DCK: variants seen among roughly 807,000 people sequenced by gnomAD.
DCK encodes the protein deoxyadenosine kinase.
A neutral mutation model predicts 38.3 loss-of-function variants in DCK; 23 were observed. The observed-to-expected ratio is 0.60, with a 90% CI of 0.43 to 0.85. DCK has a LOEUF of 0.85. Ranked by LOEUF, DCK falls within the 40% of genes least tolerant of loss-of-function variation. The pLI, the probability that DCK is intolerant of heterozygous loss-of-function variation, is 0.00. For synonymous variants in DCK, 108 were observed against 100.6 expected, an observed-to-expected ratio of 1.07 and a Z score of -0.44; for missense variants, 259 against 304.4, an observed-to-expected ratio of 0.85 and a Z score of 1.11.
At chr4:71,017,167 A>G (rs971125561) in intron 2 of DCK, among the ~76,000 whole-genome samples, 10 of 152,270 alleles carry the variant, frequency 6.6e-5, no homozygotes, top group Non-Finnish European at 1.0e-4. Flanking sequence ...CAGCCAACAG[A>G]CACATGAAAA....
chr4:71,028,101 C>T (rs767865906), intron 6 of DCK, among the ~76,000 whole-genome samples: 5 of 152,176 alleles, frequency 3.3e-5, no homozygotes, highest in Admixed American at 6.5e-5. Context: ...ATTTTCTGCA[C>T]ACACTGACAT....
In DCK at chr4:71,012,562, A is replaced by C. The variant is rs534289277; in HGVS notation, c.208-9805A>C. ...TCATACGGCTGGGTACCCCTCTGAG[A>C]CGAAGCTTCCAGAGGAACGATCAGG... On this transcript the variant is annotated intron_variant, in intron 2 of 6. Transcript: ENST00000286648. 3.3e-5 allele frequency among the ~76,000 whole-genome samples: 5 copies of C among 152,310 alleles called. No individual in the cohort carries two copies. In the East Asian group the frequency reaches 9.6e-4, roughly 29 times the overall value.
Position 71,022,399 on chromosome 4 carries a change from T to A in DCK, c.240T>A (p.Asn80Lys). ...CAATGTCTCAGAAAAATGGTGGGAATGTTCTTCAGATGATGTATGAGAAAC... is the reference window on the plus strand; with the variant it reads ...CAATGTCTCAGAAAAATGGTGGGAAAGTTCTTCAGATGATGTATGAGAAAC... The part of the protein sequence containing the change: ...ELTMSQKNGG[N>K]VLQMMYEKPE... The change falls in exon 3 of 7, where the codon AAT (asparagine) becomes AAA (lysine). Residue 80 changes from asparagine to lysine, a missense_variant. This residue lies in a region of DCK where 159 missense variants were observed against 159.0 expected (regional missense o/e 1.00). Coordinates refer to ENST00000286648, the MANE Select transcript of DCK (RefSeq NM_000788.3). 1 of 1,541,248 alleles carries A rather than the reference T, an allele frequency of 6.5e-7. No individual in the cohort carries two copies. Among genetic ancestry groups the A allele is most frequent in the Non-Finnish European group, 8.7e-7 (1 of 1,146,702 alleles).
At chr4:71,021,297 G>A (rs544865862) in intron 2 of DCK, among the ~76,000 whole-genome samples, 282 of 151,300 alleles carry the variant, frequency 1.9e-3, no homozygotes, top group African/African-American at 4.7e-3. Context: ...GGATGGTCTC[G>A]ATCTCCTGAC....
intron 3 of DCK, 37 bp downstream of exon 3, chr4:71,022,597 T>C: frequency 7.8e-7 from 1 of 1,285,656 alleles, no homozygotes; most frequent in Non-Finnish European, 1.0e-6. Context: ...CATTTGAAGT[T>C]TTTATCTTAG....
At chr4:70,999,215 C>G (rs1172802322) in intron 2 of DCK, among the ~76,000 whole-genome samples, 1 of 152,132 alleles carries the variant, frequency 6.6e-6, no homozygotes, top group Non-Finnish European at 1.5e-5. Flanking sequence ...GTTCCCCTCC[C>G]TGTGCCCATG....
intron 2 of DCK, chr4:71,006,336 A>G (rs1021382396): frequency 1.4e-4 from 128 of 937,844 alleles, no homozygotes; most frequent in Middle Eastern, 5.5e-4. Flanking sequence ...GACAGAGTTC[A>G]GTGTCATTTT....
rs576117065 is a variant in DCK, at chr4:71,003,213, T to C, written c.207+5031T>C. On this transcript the variant is annotated intron_variant, in intron 2 of 6. Coordinates refer to ENST00000286648, the MANE Select transcript of DCK (RefSeq NM_000788.3). ...AAGGATTTTATTTCTCCTTCACTTA[T>C]GAAGCTTAGTTTGACTGGTTATGAA... Among the ~76,000 whole-genome samples, 14 of 152,332 alleles carry C rather than the reference T, an allele frequency of 9.2e-5. No homozygotes were observed. The South Asian group carries it at 2.3e-3, about 25-fold the overall frequency.
chr4:71,016,190 C>T (rs888185501), intron 2 of DCK, among the ~76,000 whole-genome samples: 71 of 152,248 alleles, frequency 4.7e-4, no homozygotes, highest in African/African-American at 1.7e-3. Flanking sequence ...ACAGTTGCTT[C>T]AAAGAGAATA....
chr4:71,010,614 TTTATA>T (rs1189466342), intron 2 of DCK, among the ~76,000 whole-genome samples: 4 of 147,578 alleles, frequency 2.7e-5, no homozygotes, highest in African/African-American at 4.9e-5. Flanking sequence ...TATATTTAAT[TTTATA>T]TTATATTTAT....
chr4:71,000,161 T>C (rs552457569), intron 2 of DCK, among the ~76,000 whole-genome samples: 1 of 152,134 alleles, frequency 6.6e-6, no homozygotes, highest in African/African-American at 2.4e-5. Flanking sequence ...TTAGGTCTTA[T>C]GTTTAAATCT....
chr4:70,994,146 C>T (rs1208547002), intron 1 of DCK: 1 of 584,386 alleles, frequency 1.7e-6, no homozygotes, highest in Non-Finnish European at 3.1e-6. Context: ...GGGCGCCAGG[C>T]CTGCGGTCTC....
rs557774468 is a variant in DCK, at chr4:71,009,536, T to C, written c.207+11354T>C. Among the ~76,000 whole-genome samples, 19 of 152,354 alleles carry C rather than the reference T, an allele frequency of 1.2e-4. No individual in the cohort carries two copies. In the East Asian group the frequency reaches 2.3e-3, roughly 19 times the overall value. On this transcript the variant is annotated intron_variant, in intron 2 of 6. Transcript: ENST00000286648. ...TGGGATGGGACATTTTCTTTCCATATACTTGATTCAGAATGCCAAACTGGC... is the reference window on the plus strand; with the variant it reads ...TGGGATGGGACATTTTCTTTCCATACACTTGATTCAGAATGCCAAACTGGC...
intron 2 of DCK, among the ~76,000 whole-genome samples, chr4:71,021,171 G>A (rs1034241814): frequency 2.1e-4 from 31 of 149,910 alleles, no homozygotes; most frequent in Admixed American, 6.7e-4. Flanking sequence ...CGCTTCCCGG[G>A]TTCACGCCAT....
At chr4:71,017,364 AGT>A (rs1317929443) in intron 2 of DCK, among the ~76,000 whole-genome samples, 2 of 152,208 alleles carry the variant, frequency 1.3e-5, no homozygotes, top group Non-Finnish European at 2.9e-5. Flanking sequence ...TGTGTAAGAC[AGT>A]GTGGTGATTC....
intron 6 of DCK, 106 bp from the exon 7 acceptor site, chr4:71,029,246 T>C (rs1017886508): frequency 1.6e-5 from 10 of 638,824 alleles, no homozygotes; most frequent in South Asian, 5.5e-5. Context: ...TAGTTACTTA[T>C]ACAGCTGGGG....
chr4:71,020,326 T>G (rs772356561), intron 2 of DCK, among the ~76,000 whole-genome samples: 1 of 152,242 alleles, frequency 6.6e-6, no homozygotes. Flanking sequence ...GTTGGTGATG[T>G]GTATTTCTTT....
At chr4:70,994,705 C>T (rs529648667) in intron 1 of DCK, among the ~76,000 whole-genome samples, 1 of 152,078 alleles carries the variant, frequency 6.6e-6, no homozygotes, top group Admixed American at 6.6e-5. Context: ...TAACGAAACT[C>T]GAAACATTCG....
In DCK at chr4:70,997,488, G is replaced by T. The variant is rs547049102; in HGVS notation, c.92-579G>T. ...CCTGTGTCACCTTCTTTACTGCCTC[G>T]CTCCTGTTTTTTCTCTGTGTGTAAT... On this transcript the variant is annotated intron_variant, in intron 1 of 6. Transcript: ENST00000286648. Among the ~76,000 whole-genome samples, 3 of 151,974 alleles carry T rather than the reference G, an allele frequency of 2.0e-5. No individual in the cohort carries two copies. The South Asian group carries it at 6.2e-4, about 32-fold the overall frequency.
Sources: allele counts gnomAD v4.1 joint callset (sites outside exome capture counted in the v4.1 genomes callset), GRCh38; gene constraint gnomAD v4.1.1; regional missense constraint gnomAD v4.1.1; transcripts MANE v1.5; gene names NCBI Gene and HGNC (gene_info 2026-07-23, HGNC 2026-07-21).